CTNND2: variants seen among roughly 807,000 people sequenced by gnomAD.
CTNND2 encodes catenin delta 2, also known as catenin delta-2.
Under a neutral mutation model 144.4 loss-of-function variants are expected in CTNND2, and 22 were observed. The ratio of observed to expected loss-of-function variants is 0.15; its 90% CI spans 0.11 to 0.22. CTNND2 has a LOEUF of 0.22. CTNND2 is among the 10% of genes least tolerant of loss of function. CTNND2 has a pLI of 1.00. For synonymous variants in CTNND2, 751 were observed against 695.6 expected (o/e 1.08, Z -1.25); for missense variants, 1,353 against 1,618.8 (o/e 0.84, Z 2.82).
intron 11 of CTNND2, among the ~76,000 whole-genome samples, chr5:11,197,651 A>G (rs535125878): frequency 2.0e-5 from 3 of 152,334 alleles, no homozygotes; most frequent in South Asian, 4.1e-4. Context: ...GCCGACACCC[A>G]GAAGCTGTTG....
chr5:11,488,225 T>C (rs1027353526), intron 3 of CTNND2, among the ~76,000 whole-genome samples: 15 of 152,216 alleles, frequency 9.9e-5, no homozygotes, highest in African/African-American at 3.6e-4. Flanking sequence ...TTTATAACGT[T>C]TATAGTTAGC....
chr5:11,437,812 G>A (rs1247134864), intron 3 of CTNND2, among the ~76,000 whole-genome samples: 2 of 152,174 alleles, frequency 1.3e-5, no homozygotes, highest in African/African-American at 4.8e-5. Context: ...AGACTTGGGT[G>A]CCTTTGGAGG....
chr5:11,296,775 T>C (rs1221692522), intron 9 of CTNND2, among the ~76,000 whole-genome samples: 1 of 151,934 alleles, frequency 6.6e-6, no homozygotes, highest in African/African-American at 2.4e-5. Flanking sequence ...TAGGTGGGAA[T>C]TGAACAATGA....
intron 2 of CTNND2, among the ~76,000 whole-genome samples, chr5:11,691,577 T>C (rs1319532986): frequency 6.6e-6 from 1 of 151,842 alleles, no homozygotes; most frequent in Admixed American, 6.6e-5. Flanking sequence ...ACAAATTATA[T>C]ATATTTTAAA....
chr5:11,172,449 G>C lies in CTNND2; in HGVS notation c.1976-12690C>G, dbSNP rs917042179. 2.6e-5 allele frequency among the ~76,000 whole-genome samples: 4 copies of C among 152,116 alleles called. No homozygotes were observed. In the East Asian group the frequency reaches 7.7e-4, roughly 29 times the overall value. ...TGTCTCATTATCCATCCTTTCAGTT[G>C]ACAAAATCTTCTTTGGGTCCAGAAC... is the stretch of plus-strand genomic sequence containing the variant. On this transcript the variant is annotated intron_variant, in intron 11 of 21. Coordinates refer to ENST00000304623, the MANE Select transcript of CTNND2 (RefSeq NM_001332.4).
chr5:11,419,261 A>C (rs986872335), intron 3 of CTNND2, among the ~76,000 whole-genome samples: 13 of 152,068 alleles, frequency 8.5e-5, no homozygotes, highest in African/African-American at 1.2e-4. Flanking sequence ...CAAAATGTTA[A>C]CATTATTTTA....
At chr5:11,696,516 AC>A (rs1785146161) in intron 2 of CTNND2, among the ~76,000 whole-genome samples, 1 of 152,330 alleles carries the variant, frequency 6.6e-6, no homozygotes, top group African/African-American at 2.4e-5. Context: ...GAGGAGGGCT[AC>A]CCTAAACTGT....
At chr5:11,061,398 T>C (rs1009323096) in intron 16 of CTNND2, among the ~76,000 whole-genome samples, 1 of 152,210 alleles carries the variant, frequency 6.6e-6, no homozygotes, top group Non-Finnish European at 1.5e-5. Context: ...CCAACTTCCT[T>C]ATCCAGGCTG....
intron 3 of CTNND2, among the ~76,000 whole-genome samples, chr5:11,415,181 TG>T (rs1761845265): frequency 6.6e-6 from 1 of 152,356 alleles, no homozygotes; most frequent in Admixed American, 6.5e-5. Flanking sequence ...CTACAATGGT[TG>T]CACAAATTTA....
chr5:11,855,619 A>G (rs1030417036), intron 1 of CTNND2, among the ~76,000 whole-genome samples: 1 of 152,194 alleles, frequency 6.6e-6, no homozygotes, highest in Non-Finnish European at 1.5e-5. Context: ...CTTTTAACTC[A>G]TCTTGAGATT....
intron 15 of CTNND2, among the ~76,000 whole-genome samples, chr5:11,097,022 T>A (rs1411579820): frequency 6.6e-6 from 1 of 152,158 alleles, no homozygotes; most frequent in Non-Finnish European, 1.5e-5. Flanking sequence ...GCCTATCACA[T>A]CTTGCTACCA....
At chr5:11,102,988 T>G (rs1275601563) in intron 14 of CTNND2, among the ~76,000 whole-genome samples, 1 of 135,390 alleles carries the variant, frequency 7.4e-6, no homozygotes, top group Non-Finnish European at 1.6e-5. Flanking sequence ...TTTTTTTTTT[T>G]TTTTTTTTTT....
At chr5:11,167,580 C>A (rs1027855238) in intron 11 of CTNND2, among the ~76,000 whole-genome samples, 1 of 152,062 alleles carries the variant, frequency 6.6e-6, no homozygotes, top group African/African-American at 2.4e-5. Context: ...TTGTTCGAAG[C>A]CAAAACTGAT....
At chr5:11,264,821 C>T (rs1003978374) in intron 9 of CTNND2, among the ~76,000 whole-genome samples, 1 of 152,084 alleles carries the variant, frequency 6.6e-6, no homozygotes, top group Non-Finnish European at 1.5e-5. Context: ...GTCCCAATTA[C>T]ACAGGAGGCT....
At position 11,714,796 on chromosome 5, in the gene CTNND2, C is replaced by A. The variant is rs539776175; in HGVS notation, c.174+17340G>T. The stretch of plus-strand genomic sequence containing the variant: ...TGGTGGCAGGTGCCTGTAGTCCCAG[C>A]TACTCGGGAGGCTGAAGCAGGAGAA... On this transcript the variant is annotated intron_variant, in intron 2 of 21. Transcript: ENST00000304623. 2.9e-3 allele frequency among the ~76,000 whole-genome samples: 444 copies of A among 151,784 alleles called. 4 individuals are homozygous for A. Among genetic ancestry groups the A allele is most frequent in the African/African-American group, 0.01 (423 of 41,362 alleles).
rs561560074 is a variant in CTNND2 at position 11,036,609 on chromosome 5, A to G, written c.2789-13630T>C. On this transcript the variant is annotated intron_variant, in intron 16 of 21. Coordinates refer to ENST00000304623, the MANE Select transcript of CTNND2 (RefSeq NM_001332.4). ...CTAATTTTTTGTATTTTTTGGTAGA[A>G]ATGGGATTTCACCACGTTGGCCACA... Among the ~76,000 whole-genome samples the G allele has an allele frequency of 7.2e-5, 11 of 152,150 alleles. No homozygotes were observed. The East Asian group carries it at 2.1e-3, about 29-fold the overall frequency.
chr5:11,448,523 C>T (rs540419508), intron 3 of CTNND2, among the ~76,000 whole-genome samples: 7 of 151,912 alleles, frequency 4.6e-5, no homozygotes, highest in Non-Finnish European at 1.0e-4. Flanking sequence ...TGTGTGTTTG[C>T]TGTTGTCGTT....
chr5:11,133,692 A>G (rs1365396186), intron 12 of CTNND2, among the ~76,000 whole-genome samples: 1 of 152,222 alleles, frequency 6.6e-6, no homozygotes, highest in Non-Finnish European at 1.5e-5. Flanking sequence ...AAGGCTTATT[A>G]AAAGAAAGCA....
intron 9 of CTNND2, among the ~76,000 whole-genome samples, chr5:11,298,106 C>A (rs1749208652): frequency 6.6e-6 from 1 of 152,124 alleles, no homozygotes; most frequent in Admixed American, 6.6e-5. Flanking sequence ...AAACTTTACG[C>A]CCTATGAAAA....
Sources: gnomAD v4.1 joint callset for allele counts (sites outside exome capture counted in the v4.1 genomes callset) on GRCh38, gnomAD v4.1.1 for gene constraint, MANE v1.5 for transcripts, NCBI Gene and HGNC (gene_info 2026-07-23, HGNC 2026-07-21) for gene names.